The following NWD2 variants were observed in gnomAD, a reference collection of about 807,000 sequenced individuals.
The protein encoded by NWD2 is NACHT and WD repeat domain containing 2.
Under a neutral mutation model 132.7 loss-of-function variants are expected in NWD2, and 37 were observed. That is an observed-to-expected ratio of 0.28 (90% CI 0.21 to 0.37). The LOEUF is 0.37. Among genes scored for constraint, NWD2 ranks in the 10% least tolerant of loss-of-function variants. NWD2 has a pLI of 1.00. For missense variants in NWD2, 1,592 were observed against 2,122.4 expected, an observed-to-expected ratio of 0.75 and a Z score of 4.91; for synonymous variants, 705 against 803.0, an observed-to-expected ratio of 0.88 and a Z score of 2.06.
rs1308635394 is a variant in NWD2 at position 37,312,548 on chromosome 4, C to G, written c.152-13388C>G. 3.3e-5 allele frequency among the ~76,000 whole-genome samples: 5 copies of G among 150,966 alleles called. No individual in the cohort carries two copies. The South Asian group carries it at 6.2e-4, about 19-fold the overall frequency. On this transcript the variant is annotated intron_variant, in intron 1 of 6. Coordinates refer to ENST00000309447, the MANE Select transcript of NWD2 (RefSeq NM_001144990.2). The stretch of plus-strand genomic sequence containing the variant: ...TTTTGGGCTGAGACAGTGGGGTTCT[C>G]TAGATATACAATCATGTCATCTGCA...
At chr4:37,387,172 C>T (rs1487567434) in intron 3 of NWD2, among the ~76,000 whole-genome samples, 1 of 152,046 alleles carries the variant, frequency 6.6e-6, no homozygotes, top group African/African-American at 2.4e-5. Flanking sequence ...AGATGAGCCA[C>T]ATATATCATC....
chr4:37,438,282 A>C (rs982099441), intron 5 of NWD2, among the ~76,000 whole-genome samples: 3 of 152,086 alleles, frequency 2.0e-5, no homozygotes, highest in Admixed American at 2.0e-4. Context: ...AAAAAGAAAA[A>C]AAAATTTGCT....
intron 2 of NWD2, among the ~76,000 whole-genome samples, chr4:37,334,041 T>C (rs542039409): frequency 1.3e-5 from 2 of 151,968 alleles, no homozygotes; most frequent in South Asian, 4.2e-4. Context: ...GAATAAAGAA[T>C]GAAGCATGCC....
intron 1 of NWD2, among the ~76,000 whole-genome samples, chr4:37,293,885 TAAAAA>T (rs10579771): frequency 1.4e-5 from 2 of 146,604 alleles, no homozygotes; most frequent in Non-Finnish European, 1.5e-5. Flanking sequence ...ACACTGCATT[TAAAAA>T]AAAAAAAAAA....
chr4:37,435,416 G>C (rs542344960), intron 5 of NWD2, among the ~76,000 whole-genome samples: 1 of 152,226 alleles, frequency 6.6e-6, no homozygotes, highest in South Asian at 2.1e-4. Flanking sequence ...CTTATTTAAA[G>C]TCTTCCTGAA....
intron 1 of NWD2, among the ~76,000 whole-genome samples, chr4:37,247,800 G>A (rs1717275599): frequency 6.6e-6 from 1 of 151,878 alleles, no homozygotes; most frequent in Non-Finnish European, 1.5e-5. Context: ...AGTAGCAACG[G>A]GGTTTCGTCA....
chr4:37,392,061 G>A (rs1432042921), intron 3 of NWD2, among the ~76,000 whole-genome samples: 1 of 152,028 alleles, frequency 6.6e-6, no homozygotes, highest in African/African-American at 2.4e-5. Flanking sequence ...AAATTAGCTG[G>A]GCGTGGTGGA....
Position 37,444,005 on chromosome 4 carries a change from A to G in NWD2, c.2017A>G (p.Ser673Gly), listed in dbSNP as rs777717356. ...GYITMAKMGL[S>G]EMELEDVLAL... is the part of the protein sequence containing the mutation. ...CATCACCATGGCCAAAATGGGTCTG[A>G]GTGAAATGGAACTGGAGGATGTGTT... Residue 673 changes from serine (S) to glycine (G), a missense_variant, in exon 7 of 7, where the codon AGT becomes GGT. Ser to Gly is a moderately conservative substitution (Grantham distance 56, BLOSUM62 0). Around this residue, in one of 7 missense-constraint regions of NWD2, gnomAD observed 1,071 missense variants for 1,398.0 expected, o/e 0.77. Coordinates refer to ENST00000309447, the MANE Select transcript of NWD2 (RefSeq NM_001144990.2). This position sits in a 1 kb window ranked among gnomAD's most constrained non-coding sequence, Gnocchi z 4.8. 1.9e-6 allele frequency: 3 copies of G among 1,552,228 alleles called. No homozygotes were observed. Among genetic ancestry groups the G allele is most frequent in the South Asian group, 2.4e-5 (2 of 84,056 alleles).
At chr4:37,385,587 A>G (rs1720543509) in intron 3 of NWD2, among the ~76,000 whole-genome samples, 1 of 152,154 alleles carries the variant, frequency 6.6e-6, no homozygotes, top group Non-Finnish European at 1.5e-5. Flanking sequence ...TAGGGGTGAA[A>G]AACCGGAAAG....
chr4:37,328,982 A>G (rs1478826945), intron 2 of NWD2, among the ~76,000 whole-genome samples: 1 of 152,066 alleles, frequency 6.6e-6, no homozygotes, highest in East Asian at 1.9e-4. Context: ...TCCTTGTCCT[A>G]TAGTCCCTGG....
chr4:37,321,815 C>G (rs1018360400), intron 1 of NWD2, among the ~76,000 whole-genome samples: 1 of 152,036 alleles, frequency 6.6e-6, no homozygotes, highest in East Asian at 1.9e-4. Context: ...AAATCTAAGT[C>G]AATTTTTAAT....
intron 3 of NWD2, among the ~76,000 whole-genome samples, chr4:37,367,901 C>T (rs1259482843): frequency 6.6e-6 from 1 of 152,150 alleles, no homozygotes; most frequent in Non-Finnish European, 1.5e-5. Context: ...CCAAAGCCAA[C>T]ATTCTTCCTA....
intron 1 of NWD2, among the ~76,000 whole-genome samples, chr4:37,278,770 A>G (rs1362320600): frequency 6.6e-6 from 1 of 152,168 alleles, no homozygotes; most frequent in Non-Finnish European, 1.5e-5. Flanking sequence ...CCCAAAACGC[A>G]TACACCTAAA....
chr4:37,342,669 G>C (rs1321571800), intron 2 of NWD2, among the ~76,000 whole-genome samples: 1 of 152,134 alleles, frequency 6.6e-6, no homozygotes, highest in Non-Finnish European at 1.5e-5. Context: ...TGTTCATTAA[G>C]CCTTCATAGA....
In NWD2 at chr4:37,246,513, T is replaced by G. The variant is rs903553133; in HGVS notation, c.151+1295T>G. On this transcript the variant is annotated intron_variant, in intron 1 of 6. Transcript: ENST00000309447. The stretch of plus-strand genomic sequence containing the variant: ...CTTTCAAAGAACTTAAGGAGGCTTT[T>G]AGGATGATATGGTACACTCAAAAAA... 4.6e-5 allele frequency among the ~76,000 whole-genome samples: 7 copies of G among 152,282 alleles called. No individual in the cohort carries two copies. In the South Asian group the frequency reaches 8.3e-4, roughly 18 times the overall value.
intron 5 of NWD2, among the ~76,000 whole-genome samples, chr4:37,438,192 C>T (rs891976222): frequency 4.0e-5 from 6 of 150,782 alleles, no homozygotes; most frequent in African/African-American, 1.2e-4. Context: ...ACCCAGGAGG[C>T]GGAGCTTGCA....
chr4:37,281,956 T>C (rs1718138512), intron 1 of NWD2, among the ~76,000 whole-genome samples: 1 of 152,186 alleles, frequency 6.6e-6, no homozygotes, highest in Non-Finnish European at 1.5e-5. Flanking sequence ...GCCTTCATGA[T>C]ATTTATGATT....
intron 1 of NWD2, among the ~76,000 whole-genome samples, chr4:37,311,518 T>C (rs1189309850): frequency 6.6e-6 from 1 of 150,466 alleles, no homozygotes. Flanking sequence ...GAGTTCATTG[T>C]AGATTCTGGA....
intron 3 of NWD2, among the ~76,000 whole-genome samples, chr4:37,356,723 G>A (rs1168907628): frequency 6.6e-6 from 1 of 152,110 alleles, no homozygotes; most frequent in African/African-American, 2.4e-5. Context: ...GGATTGACTT[G>A]GGTTTGACAA....
Sources: allele counts gnomAD v4.1 joint callset (sites outside exome capture counted in the v4.1 genomes callset), GRCh38; gene constraint gnomAD v4.1.1; regional missense constraint gnomAD v4.1.1; non-coding constraint Gnocchi (gnomAD v3.1); transcripts MANE v1.5; gene names NCBI Gene and HGNC (gene_info 2026-07-23, HGNC 2026-07-21).